The following ARL8B variants were observed in gnomAD, a reference collection of about 807,000 sequenced individuals.
ARL8B encodes the protein ADP-ribosylation factor-like protein 8B.
In ARL8B, 9 loss-of-function variants were observed where a neutral mutation model predicts 30.6. The observed-to-expected ratio is 0.29, with a 90% CI of 0.18 to 0.51. The LOEUF (loss-of-function observed/expected upper bound fraction) is 0.51, where lower values mean the gene tolerates loss of function less well. Among genes scored for constraint, ARL8B ranks in the 20% least tolerant of loss-of-function variants. The pLI, the probability that ARL8B is intolerant of heterozygous loss-of-function variation, is 0.97. For synonymous variants in ARL8B, 74 were observed against 76.0 expected, an observed-to-expected ratio of 0.97 and a Z score of 0.14; for missense variants, 130 against 227.2, an observed-to-expected ratio of 0.57 and a Z score of 2.75.
intron 1 of ARL8B, among the ~76,000 whole-genome samples, chr3:5,167,255 C>T (rs1464949257): frequency 6.6e-6 from 1 of 152,138 alleles, no homozygotes; most frequent in East Asian, 1.9e-4. Context: ...GCGAGTGCCA[C>T]GTGTGATCAT....
chr3:5,163,187 A>G (rs190137540), intron 1 of ARL8B, among the ~76,000 whole-genome samples: 119 of 151,918 alleles, frequency 7.8e-4, no homozygotes, highest in African/African-American at 2.7e-3. Context: ...AGGTTTCGCT[A>G]TGTTGGCCAG....
intron 1 of ARL8B, among the ~76,000 whole-genome samples, chr3:5,142,229 G>A (rs558085294): frequency 4.6e-5 from 7 of 152,264 alleles, no homozygotes; most frequent in South Asian, 4.1e-4. Context: ...GATTGCCATC[G>A]CCTGACTTAC....
chr3:5,135,470 T>C (rs527347367), intron 1 of ARL8B, among the ~76,000 whole-genome samples: 1 of 151,796 alleles, frequency 6.6e-6, no homozygotes, highest in Non-Finnish European at 1.5e-5. Flanking sequence ...ATTATTATTA[T>C]TTTTTTGAGA....
chr3:5,169,231 C>T (rs761730224), intron 1 of ARL8B, among the ~76,000 whole-genome samples: 1 of 151,982 alleles, frequency 6.6e-6, no homozygotes, highest in Non-Finnish European at 1.5e-5. Context: ...ACTCCATACC[C>T]ATTAAGCAAA....
At position 5,178,740 on chromosome 3, in the gene ARL8B, T is replaced by C; in HGVS notation, c.*27T>C. On this transcript the variant is annotated 3_prime_UTR_variant, in exon 7 of 7. Coordinates refer to ENST00000256496, the MANE Select transcript of ARL8B (RefSeq NM_018184.3). ...GCATCTCCTGAAGTCTTCCAGTCCTTCTTGGCTATAATCCTAGAATTATTG... is the reference window on the plus strand; with the variant it reads ...GCATCTCCTGAAGTCTTCCAGTCCTCCTTGGCTATAATCCTAGAATTATTG... The C allele has an allele frequency of 6.2e-7, 1 of 1,611,518 alleles. No individual in the cohort carries two copies. Among genetic ancestry groups the C allele is most frequent in the Non-Finnish European group, 8.5e-7 (1 of 1,179,562 alleles).
chr3:5,151,470 A>C (rs1226111173), intron 1 of ARL8B, among the ~76,000 whole-genome samples: 2 of 152,018 alleles, frequency 1.3e-5, no homozygotes, highest in African/African-American at 2.4e-5. Context: ...TGAGTCTATA[A>C]ATTTTCTTCT....
intron 1 of ARL8B, among the ~76,000 whole-genome samples, chr3:5,127,852 A>G (rs1386665123): frequency 2.1e-5 from 3 of 142,950 alleles, no homozygotes; most frequent in Admixed American, 7.2e-5. Context: ...CAGCCTGGGC[A>G]ACAGAGCGAG....
chr3:5,154,496 A>T (rs898278016), intron 1 of ARL8B, among the ~76,000 whole-genome samples: 2 of 151,570 alleles, frequency 1.3e-5, no homozygotes, highest in Non-Finnish European at 2.9e-5. Context: ...TACCATGCCC[A>T]GCTAATTTTT....
At chr3:5,122,615 G>T (rs770128292) in intron 1 of ARL8B, 27 bp downstream of exon 1, 1 of 1,581,224 alleles carries the variant, frequency 6.3e-7, no homozygotes, top group Admixed American at 1.7e-5. Context: ...TCACTCGCCC[G>T]GGGCTCCGCA....
chr3:5,133,312 C>T (rs981758976), intron 1 of ARL8B, among the ~76,000 whole-genome samples: 4 of 152,182 alleles, frequency 2.6e-5, no homozygotes, highest in Non-Finnish European at 4.4e-5. Context: ...AAGATAAGAC[C>T]TGTGTTTCCG....
At chr3:5,149,908 C>G (rs1304981215) in intron 1 of ARL8B, among the ~76,000 whole-genome samples, 2 of 152,156 alleles carry the variant, frequency 1.3e-5, no homozygotes, top group Non-Finnish European at 2.9e-5. Flanking sequence ...GGTCTTGACC[C>G]CAATTGCACA....
chr3:5,128,583 T>C (rs552194351), intron 1 of ARL8B: 13 of 354,118 alleles, frequency 3.7e-5, no homozygotes, highest in South Asian at 6.5e-5. Context: ...TTCAAAGATA[T>C]AGTAAGTGGA....
intron 1 of ARL8B, among the ~76,000 whole-genome samples, chr3:5,153,836 G>A (rs1019918702): frequency 6.6e-6 from 1 of 151,824 alleles, no homozygotes. Flanking sequence ...ACAGATTTTA[G>A]TTTAGTTTAG....
chr3:5,144,779 C>T (rs534646466), intron 1 of ARL8B, among the ~76,000 whole-genome samples: 10 of 152,292 alleles, frequency 6.6e-5, no homozygotes, highest in South Asian at 2.1e-4. Context: ...ACCATTTATG[C>T]GAACTATGGC....
intron 6 of ARL8B, among the ~76,000 whole-genome samples, chr3:5,177,051 C>T (rs765309247): frequency 1.3e-5 from 2 of 152,126 alleles, no homozygotes; most frequent in Non-Finnish European, 2.9e-5. Flanking sequence ...GTCCATTGTG[C>T]TATTTTGTAA....
chr3:5,131,948 A>G (rs2054286966), intron 1 of ARL8B, among the ~76,000 whole-genome samples: 1 of 152,156 alleles, frequency 6.6e-6, no homozygotes, highest in East Asian at 1.9e-4. Context: ...AAGTGGCATA[A>G]TCATGGCTCA....
chr3:5,161,770 G>T (rs965824547), intron 1 of ARL8B, among the ~76,000 whole-genome samples: 1 of 152,176 alleles, frequency 6.6e-6, no homozygotes, highest in East Asian at 1.9e-4. Flanking sequence ...CATTCCTATT[G>T]TTATGTGTTG....
At chr3:5,157,559 T>A (rs1310455038) in intron 1 of ARL8B, among the ~76,000 whole-genome samples, 1 of 152,114 alleles carries the variant, frequency 6.6e-6, no homozygotes, top group South Asian at 2.1e-4. Flanking sequence ...CCAAAGCACT[T>A]AAGTTAGACC....
intron 1 of ARL8B, among the ~76,000 whole-genome samples, chr3:5,124,256 ATT>A (rs35897178): frequency 0.068 from 7,041 of 104,256 alleles, 68 homozygotes; most frequent in Admixed American, 0.088. Context: ...AATACCACTA[ATT>A]TTTTTTTTTT....
Sources: allele counts gnomAD v4.1 joint callset (sites outside exome capture counted in the v4.1 genomes callset), GRCh38; gene constraint gnomAD v4.1.1; transcripts MANE v1.5; gene names NCBI Gene and HGNC (gene_info 2026-07-23, HGNC 2026-07-21).